Variants in MYH7B observed in about 807,000 individuals in gnomAD.
The protein encoded by MYH7B is myosin heavy chain 7B, also known as myosin-7B.
MYH7B carries 205 observed loss-of-function variants against 234.5 expected under a neutral mutation model. That is an observed-to-expected ratio of 0.87 (90% CI 0.78 to 0.98). MYH7B has a LOEUF of 0.98. Ranked by LOEUF, MYH7B falls within the 50% of genes least tolerant of loss-of-function variation. The pLI, the probability that MYH7B is intolerant of heterozygous loss-of-function variation, is 0.00. For missense variants in MYH7B, 2,652 were observed against 2,633.4 expected (o/e 1.01, Z -0.15); for synonymous variants, 1,193 against 1,105.0 (o/e 1.08, Z -1.58).
chr20:34,994,459 T>C lies in MYH7B; in HGVS notation c.2700+58T>C, dbSNP rs138381786. 5,354 of 1,510,750 alleles carry C rather than the reference T, an allele frequency of 3.5e-3. 43 individuals are homozygous for C. The highest frequency in any genetic ancestry group is 0.019 in the South Asian group (1,411 of 75,002). 93.6% of individuals were successfully genotyped at this position (1,510,750 alleles called of 1,614,324 possible). On this transcript the variant is annotated intron_variant, in intron 27 of 44. Transcript: ENST00000262873. ...CCCAGCCCCGAGTACCCCTGGCTGCTCTGAGGGATAGTACAGCGAGACCCA... is the reference window on the plus strand; with the variant it reads ...CCCAGCCCCGAGTACCCCTGGCTGCCCTGAGGGATAGTACAGCGAGACCCA...
chr20:34,999,398 C>G lies in MYH7B; in HGVS notation c.4533C>G (p.Asn1511Lys), dbSNP rs536809811. 17 of 1,516,772 alleles carry G rather than the reference C, an allele frequency of 1.1e-5. No homozygotes were observed. The South Asian group carries it at 2.1e-4, about 19-fold the overall frequency. The allele number at this position is 1,516,772 out of a possible 1,614,324, so 94.0% of individuals were successfully genotyped here. ...AGACGCTCAAGCGGGAGAACAAGAA[C>G]CTGCAGGGTAGGACCTGCCACACGC... The change falls in exon 36 of 45, where the codon AAC (asparagine) becomes AAG (lysine). Residue 1511 changes from asparagine to lysine, a missense_variant. Around this residue, in one of 3 missense-constraint regions of MYH7B, gnomAD observed 2,279 missense variants for 2,211.4 expected, o/e 1.03. Transcript: ENST00000262873.
rs755002827 is a variant in MYH7B at position 34,999,772 on chromosome 20, G to A, written c.4666-19G>A. 1.6e-5 allele frequency: 13 copies of A among 825,094 alleles called. No homozygotes were observed. The highest frequency in any genetic ancestry group is 9.5e-5 in the Admixed American group (4 of 42,208). 51.1% of individuals were successfully genotyped at this position (825,094 alleles called of 1,614,324 possible). ...CCATCCCCCCCCCCCACCCTACCCTGCCTGCTCTGTATCCACAGGGGGCCC... is the reference window on the plus strand; with the variant it reads ...CCATCCCCCCCCCCCACCCTACCCTACCTGCTCTGTATCCACAGGGGGCCC... On this transcript the variant is annotated intron_variant, in intron 37 of 44. Coordinates refer to ENST00000262873, the Ensembl canonical transcript of MYH7B.
chr20:34,988,921 T>G (rs540813058), intron 19 of MYH7B, among the ~76,000 whole-genome samples: 7 of 151,316 alleles, frequency 4.6e-5, no homozygotes, highest in African/African-American at 1.7e-4. Flanking sequence ...GCAATTCTTA[T>G]GCCTCAACCT....
chr20:34,975,104 TA>T (rs1006381660), intron 2 of MYH7B, among the ~76,000 whole-genome samples: 20 of 152,134 alleles, frequency 1.3e-4, no homozygotes, highest in Admixed American at 8.5e-4. Context: ...AGAGTCGGTA[TA>T]AAAAAAATAA....
chr20:34,984,716 G>A lies in MYH7B; in HGVS notation c.648+1G>A, dbSNP rs768807096. On this transcript the variant is annotated splice_donor_variant, in intron 11 of 44. Coordinates refer to ENST00000262873, the Ensembl canonical transcript of MYH7B. LOFTEE classifies it high-confidence loss of function. The stretch of plus-strand genomic sequence containing the variant: ...GCAATTTCTGGCAACAAAGACGGGG[G>A]TGAGTATGGGGCCAATGTCAATGGG... The A allele has an allele frequency of 3.7e-6, 6 of 1,606,078 alleles. No individual in the cohort carries two copies. The highest frequency in any genetic ancestry group is 5.1e-6 in the Non-Finnish European group (6 of 1,177,610).
In MYH7B at chr20:34,970,005, C is replaced by G. The variant is rs185277470; in HGVS notation, c.-221-5395C>G. Among the ~76,000 whole-genome samples the G allele has an allele frequency of 2.6e-4, 39 of 152,276 alleles. 1 individual carries two copies. The East Asian group carries it at 7.1e-3, about 28-fold the overall frequency. On this transcript the variant is annotated intron_variant, in intron 2 of 44. Transcript: ENST00000262873. ...GGAGGTAGGTCCTGTTTGTGAATCT[C>G]CACCATTAAGAGGTTTAGTCATTCT...
chr20:34,990,205 G>A (rs2082116388), intron 21 of MYH7B, 29 bp from the exon 22 acceptor site: 2 of 1,614,142 alleles, frequency 1.2e-6, no homozygotes, highest in Non-Finnish European at 1.7e-6. Context: ...GACATTCCCT[G>A]GAGTGACCAG....
At chr20:34,983,969 GAGA>G (rs2147185383) in intron 10 of MYH7B, among the ~76,000 whole-genome samples, 1 of 152,344 alleles carries the variant, frequency 6.6e-6, no homozygotes, top group South Asian at 2.1e-4. Context: ...CTAGGATGGG[GAGA>G]AGGAGGATCT....
chr20:34,980,378 G>A (rs950366822), intron 7 of MYH7B, 200 bp from the exon 8 acceptor site: 16 of 539,352 alleles, frequency 3.0e-5, no homozygotes, highest in Non-Finnish European at 5.0e-5. Context: ...GTGAAACCCC[G>A]TCTGTACTAA....
chr20:35,002,127 G>T (rs1006966101), intron 44 of MYH7B, 42 bp downstream of exon 44: 1 of 1,608,744 alleles, frequency 6.2e-7, no homozygotes, highest in Non-Finnish European at 8.5e-7. Flanking sequence ...CAGGGGGACT[G>T]TGGGGGCTGA....
chr20:34,991,298 T>A (rs2082145351), intron 24 of MYH7B, among the ~76,000 whole-genome samples, 177 bp downstream of exon 24: 1 of 152,138 alleles, frequency 6.6e-6, no homozygotes, highest in Non-Finnish European at 1.5e-5. Context: ...GGCCGGGGAC[T>A]TGGGGAGAAG....
chr20:34,990,262 G>A (rs2082117778), exon 22 of MYH7B: 3 of 1,614,188 alleles, frequency 1.9e-6, no homozygotes, highest in East Asian at 2.2e-5. Flanking sequence ...GGGTGAAAGA[G>A]AAGCGTAAGA....
Position 34,968,501 on chromosome 20 carries a change from G to A in MYH7B, c.-221-6899G>A, listed in dbSNP as rs553634466. ...GAGTTGGAAAGTCTGACCTCCTCTT[G>A]TTGGCTTCTTCCATCCTCCAGGCTG... On this transcript the variant is annotated intron_variant, in intron 2 of 44. Transcript: ENST00000262873. Among the ~76,000 whole-genome samples the A allele has an allele frequency of 1.3e-3, 199 of 152,348 alleles. 4 individuals are homozygous for A. Among genetic ancestry groups the A allele is most frequent in the African/African-American group, 4.7e-3 (195 of 41,578 alleles).
intron 1 of MYH7B, among the ~76,000 whole-genome samples, chr20:34,957,817 A>G (rs1343122443): frequency 6.6e-6 from 1 of 152,152 alleles, no homozygotes; most frequent in Non-Finnish European, 1.5e-5. Context: ...TAAACCATGT[A>G]CATTATCTGA....
At chr20:34,967,772 T>C (rs2147154586) in intron 2 of MYH7B, among the ~76,000 whole-genome samples, 1 of 152,212 alleles carries the variant, frequency 6.6e-6, no homozygotes, top group Non-Finnish European at 1.5e-5. Flanking sequence ...GGAGAGTGTT[T>C]GTTTGAAGCA....
chr20:34,966,426 A>G (rs1280103864), intron 2 of MYH7B, among the ~76,000 whole-genome samples: 1 of 152,254 alleles, frequency 6.6e-6, no homozygotes, highest in African/African-American at 2.4e-5. Context: ...ACATTTTGGA[A>G]TGACAGTTTT....
exon 43 of MYH7B, chr20:35,001,458 C>A (rs771761253): frequency 3.7e-6 from 6 of 1,606,804 alleles, no homozygotes; most frequent in Non-Finnish European, 4.2e-6. Context: ...GAACCTGGCT[C>A]GCATGCAGGA....
rs960415013 is a variant in MYH7B at position 34,997,125 on chromosome 20, C to T, written c.3309C>T (p.Asp1103=). The stretch of plus-strand genomic sequence containing the variant: ...GCCAGCTGAGCCTGCGGGTGGAAGA[C>T]GAGCAGCTCTTGGGGGCCCAGATGC... The change falls in exon 31 of 45, where the codon GAC becomes GAT. Residue 1103 remains aspartate, a synonymous_variant. Coordinates refer to ENST00000262873, the Ensembl canonical transcript of MYH7B. 15 of 1,548,730 alleles carry T rather than the reference C, an allele frequency of 9.7e-6. No homozygotes were observed. Among genetic ancestry groups the T allele is most frequent in the East Asian group, 7.3e-5 (3 of 40,864 alleles).
At chr20:34,961,277 G>A (rs1015428829) in intron 2 of MYH7B, among the ~76,000 whole-genome samples, 1 of 152,106 alleles carries the variant, frequency 6.6e-6, no homozygotes, top group African/African-American at 2.4e-5. Context: ...CCAGGTTGAT[G>A]CCCAGTAAAT....
Sources: gnomAD v4.1 joint callset for allele counts (sites outside exome capture counted in the v4.1 genomes callset) on GRCh38, gnomAD v4.1.1 for gene constraint, gnomAD v4.1.1 regional missense constraint, MANE v1.5 for transcripts, NCBI Gene and HGNC (gene_info 2026-07-23, HGNC 2026-07-21) for gene names.